The following CUX1 variants were observed in gnomAD, a reference collection of about 807,000 sequenced individuals.
The protein encoded by CUX1 is protein CASP.
CUX1 carries 31 observed loss-of-function variants against 158.8 expected under a neutral mutation model. The ratio of observed to expected loss-of-function variants is 0.20; its 90% CI spans 0.15 to 0.26. The LOEUF is 0.26. Ranked by LOEUF, CUX1 falls within the 10% of genes least tolerant of loss-of-function variation. The pLI, the probability that CUX1 is intolerant of heterozygous loss-of-function variation, is 1.00. For synonymous variants in CUX1, 879 were observed against 862.1 expected (o/e 1.02, Z -0.34); for missense variants, 1,589 against 2,014.6 (o/e 0.79, Z 4.04).
At chr7:102,031,327 T>C (rs1455607649) in intron 3 of CUX1, among the ~76,000 whole-genome samples, 1 of 152,006 alleles carries the variant, frequency 6.6e-6, no homozygotes, top group Non-Finnish European at 1.5e-5. Flanking sequence ...CCAGAGTGAG[T>C]GCTGGGATTA....
intron 2 of CUX1, among the ~76,000 whole-genome samples, chr7:101,928,163 G>A (rs146473614): frequency 2.0e-5 from 3 of 152,208 alleles, no homozygotes; most frequent in African/African-American, 4.8e-5. Context: ...AACATGCTGC[G>A]TTCTATCACG....
chr7:102,150,949 GAGCAAAC>G (rs1216459487), intron 8 of CUX1, among the ~76,000 whole-genome samples: 5 of 152,166 alleles, frequency 3.3e-5, no homozygotes, highest in Non-Finnish European at 7.3e-5. Context: ...TCATTTTGCT[GAGCAAAC>G]AATATGTGCG....
chr7:101,908,638 C>T (rs891160726), intron 1 of CUX1, among the ~76,000 whole-genome samples: 2 of 152,116 alleles, frequency 1.3e-5, no homozygotes, highest in Admixed American at 6.5e-5. Flanking sequence ...AGCCCCCCAC[C>T]TCTGTTTTTG....
intron 2 of CUX1, among the ~76,000 whole-genome samples, chr7:101,925,414 A>G (rs1805471061): frequency 6.6e-6 from 1 of 152,192 alleles, no homozygotes; most frequent in African/African-American, 2.4e-5. Context: ...CCTGGCCAAA[A>G]GTAGATTTCT....
At chr7:101,856,532 G>C (rs1009582031) in intron 1 of CUX1, among the ~76,000 whole-genome samples, 19 of 152,194 alleles carry the variant, frequency 1.2e-4, no homozygotes, top group Admixed American at 8.5e-4. Flanking sequence ...ACCCTTCAGC[G>C]TGTCATGCGT....
In CUX1 at chr7:102,250,779, TGTGC is replaced by T. The variant is rs1482913213; in HGVS notation, c.*1745_*1748del. 3.3e-5 allele frequency: 32 copies of T among 984,600 alleles called. No homozygotes were observed. The highest frequency in any genetic ancestry group is 2.3e-4 in the South Asian group (5 of 21,282). The allele number at this position is 984,600 out of a possible 1,614,324, so 61.0% of individuals were successfully genotyped here. A position where few individuals can be genotyped will look rare whatever the true frequency, so the allele number is the denominator to read the frequency against. On this transcript the variant is annotated 3_prime_UTR_variant, in exon 24 of 24. Coordinates refer to ENST00000292535, the MANE Select transcript of CUX1 (RefSeq NM_181552.4). ...GCGTGAGAATAGAGGCGGGTGAGAG[TGTGC>T]GTGCGTGTGCGTGTGTGCAATTTTA...
chr7:102,079,370 G>A (rs147809849), intron 4 of CUX1, among the ~76,000 whole-genome samples: 7 of 152,082 alleles, frequency 4.6e-5, no homozygotes, highest in East Asian at 3.9e-4. Flanking sequence ...CCTGGGAGGC[G>A]GAGGTGGCAG....
intron 2 of CUX1, among the ~76,000 whole-genome samples, chr7:101,949,123 G>A (rs1808739982): frequency 6.6e-6 from 1 of 151,992 alleles, no homozygotes; most frequent in Admixed American, 6.6e-5. Context: ...GACAAACATT[G>A]GTCATTATTA....
intron 2 of CUX1, among the ~76,000 whole-genome samples, chr7:101,943,058 C>A (rs876826): frequency 0.58 from 83,476 of 144,840 alleles, 25,799 homozygotes; most frequent in Non-Finnish European, 0.71. Context: ...TGTTAACTTT[C>A]CTCTCCATCC....
At chr7:101,836,613 G>A (rs1319730101) in intron 1 of CUX1, among the ~76,000 whole-genome samples, 5 of 150,960 alleles carry the variant, frequency 3.3e-5, no homozygotes, top group African/African-American at 1.2e-4. Flanking sequence ...AGGCCAAGGC[G>A]GGTGCATCAC....
chr7:102,159,208 G>A (rs61605022), intron 9 of CUX1, among the ~76,000 whole-genome samples: 1 of 151,352 alleles, frequency 6.6e-6, no homozygotes, highest in Admixed American at 6.6e-5. Flanking sequence ...ATCTCACCAC[G>A]GTGTTATCCT....
rs1801744272 is a variant in CUX1 at position 102,253,480 on chromosome 7, C to G, written c.*4438C>G. The G allele has an allele frequency of 1.0e-6, 1 of 985,386 alleles. No individual in the cohort carries two copies. The highest frequency in any genetic ancestry group is 1.2e-6 in the Non-Finnish European group (1 of 829,968). The allele number at this position is 985,386 out of a possible 1,614,324, so 61.0% of individuals were successfully genotyped here. On this transcript the variant is annotated 3_prime_UTR_variant, in exon 24 of 24. Transcript: ENST00000292535. ...TCCCGACTAAGGTTGGACTGGATGA[C>G]TTTGTTCCTCCTGCATGCATGTCCT...
chr7:102,198,780 T>C, intron 15 of CUX1, 22 bp from the exon 16 acceptor site: 1 of 1,610,566 alleles, frequency 6.2e-7, no homozygotes, highest in East Asian at 2.2e-5. Context: ...GTTTTGTTCT[T>C]ACCACACTTG....
intron 1 of CUX1, among the ~76,000 whole-genome samples, chr7:101,862,898 TA>T (rs1276697405): frequency 3.4e-5 from 4 of 118,538 alleles, no homozygotes; most frequent in Non-Finnish European, 7.0e-5. Context: ...GCATTTCATG[TA>T]TTTTTTTTTT....
chr7:101,974,721 C>T (rs1331148100), intron 2 of CUX1, among the ~76,000 whole-genome samples: 2 of 152,034 alleles, frequency 1.3e-5, no homozygotes, highest in East Asian at 1.9e-4. Context: ...GGCAGCTTGG[C>T]GTGAGGGGCT....
chr7:102,276,854 T>A lies in CUX1; in HGVS notation c.1564-1095T>A, dbSNP rs148482250. 1.2e-3 allele frequency among the ~76,000 whole-genome samples: 186 copies of A among 152,306 alleles called. 1 individual carries two copies. The highest frequency in any genetic ancestry group is 4.2e-3 in the African/African-American group (173 of 41,562). On this transcript the variant is annotated intron_variant, in intron 17 of 22. Coordinates refer to the CUX1 transcript ENST00000292538. ...TTGGGGTTTCTTATTGGGGTGATTT[T>A]AAATGTTCTGGAATTAGGTAGTGGG... is the stretch of plus-strand genomic sequence containing the variant.
intron 4 of CUX1, among the ~76,000 whole-genome samples, chr7:102,096,093 G>A (rs562098142): frequency 6.6e-6 from 1 of 152,370 alleles, no homozygotes; most frequent in Non-Finnish European, 1.5e-5. Flanking sequence ...TGGCAGATAT[G>A]ACCTTGAATT....
intron 2 of CUX1, among the ~76,000 whole-genome samples, chr7:101,939,098 T>C (rs1277934030): frequency 1.3e-5 from 1 of 76,846 alleles, no homozygotes; most frequent in African/African-American, 5.2e-5. Flanking sequence ...TATATATATA[T>C]ATATATATAT....
At chr7:102,280,939 A>G in intron 20 of CUX1, 1 of 1,411,312 alleles carries the variant, frequency 7.1e-7, no homozygotes, top group Non-Finnish European at 9.9e-7. Context: ...CCTGCCCTGC[A>G]GCCCAGGCTG....
Sources: gnomAD v4.1 joint callset for allele counts (sites outside exome capture counted in the v4.1 genomes callset) on GRCh38, gnomAD v4.1.1 for gene constraint, MANE v1.5 for transcripts, NCBI Gene and HGNC (gene_info 2026-07-23, HGNC 2026-07-21) for gene names.